PRKACB: variants seen among roughly 807,000 people sequenced by gnomAD.
PRKACB encodes the protein protein kinase cAMP-activated catalytic subunit beta.
Under a neutral mutation model 51.4 loss-of-function variants are expected in PRKACB, and 16 were observed. The observed-to-expected ratio is 0.31, with a 90% CI of 0.21 to 0.47. The LOEUF is 0.47. Ranked by LOEUF, PRKACB falls within the 20% of genes least tolerant of loss-of-function variation. The pLI is 1.00. For synonymous variants in PRKACB, 147 were observed against 154.4 expected, an observed-to-expected ratio of 0.95 and a Z score of 0.35; for missense variants, 309 against 464.5, an observed-to-expected ratio of 0.67 and a Z score of 3.08.
intron 1 of PRKACB, among the ~76,000 whole-genome samples, chr1:84,078,674 G>A (rs1647281529): frequency 6.6e-6 from 1 of 152,188 alleles, no homozygotes; most frequent in Non-Finnish European, 1.5e-5. Flanking sequence ...CCCAAATATG[G>A]TCCGAGGAAA....
intron 1 of PRKACB, chr1:84,165,067 A>T (rs1656946636): frequency 7.5e-7 from 1 of 1,340,344 alleles, no homozygotes; most frequent in Admixed American, 2.3e-5. Context: ...TATATTTATA[A>T]GAGGAAAAAA....
chr1:84,106,833 C>A (rs1231866448), intron 1 of PRKACB, among the ~76,000 whole-genome samples: 2 of 152,144 alleles, frequency 1.3e-5, no homozygotes, highest in African/African-American at 4.8e-5. Context: ...CTGGAAGAAT[C>A]ACATTGCCTG....
intron 1 of PRKACB, among the ~76,000 whole-genome samples, chr1:84,163,937 T>G: frequency 6.6e-6 from 1 of 151,984 alleles, no homozygotes; most frequent in Non-Finnish European, 1.5e-5. Context: ...CTGTTCACCA[T>G]GCTACCCAGT....
At chr1:84,135,880 C>A (rs1652754234) in intron 1 of PRKACB, among the ~76,000 whole-genome samples, 2 of 149,962 alleles carry the variant, frequency 1.3e-5, no homozygotes, top group African/African-American at 2.5e-5. Flanking sequence ...AATTTAAGCC[C>A]AATGCAAGCA....
chr1:84,213,044 A>C (rs1672362264), intron 8 of PRKACB, among the ~76,000 whole-genome samples: 1 of 152,174 alleles, frequency 6.6e-6, no homozygotes, highest in Non-Finnish European at 1.5e-5. Flanking sequence ...ACTTGTAGAG[A>C]AACAAAATAA....
Position 84,236,961 on chromosome 1 carries a change from A to G in PRKACB, c.*1656A>G, listed in dbSNP as rs1365379769. 2 of 152,244 alleles carry G rather than the reference A, an allele frequency of 1.3e-5. No individual in the cohort carries two copies. Among genetic ancestry groups the G allele is most frequent in the South Asian group, 2.1e-4 (1 of 4,832 alleles). The allele number at this position is 152,244 out of a possible 1,614,324, so 9.4% of individuals were successfully genotyped here. A position where few individuals can be genotyped will look rare whatever the true frequency, so the allele number is the denominator to read the frequency against. ...TATTTGCTTTATTATCGGTGCAGGT[A>G]GGTCATTAACACCACTTCTTTTCAT... is the stretch of plus-strand genomic sequence containing the variant. On this transcript the variant is annotated 3_prime_UTR_variant, in exon 10 of 10. Coordinates refer to ENST00000370685, the MANE Select transcript of PRKACB (RefSeq NM_182948.4).
chr1:84,136,537 T>C (rs1019184117), intron 1 of PRKACB, among the ~76,000 whole-genome samples: 1 of 124,878 alleles, frequency 8.0e-6, no homozygotes, highest in Non-Finnish European at 1.8e-5. Context: ...GACTGCCGAT[T>C]GGTGACAAAG....
At chr1:84,201,286 T>C (rs1670029661) in intron 7 of PRKACB, among the ~76,000 whole-genome samples, 4 of 152,228 alleles carry the variant, frequency 2.6e-5, no homozygotes, top group African/African-American at 9.6e-5. Context: ...ATTCTCATGT[T>C]TTTTATTTAT....
rs531558639 is a variant in PRKACB, at chr1:84,174,915, T to C, written c.188-4262T>C. The stretch of plus-strand genomic sequence containing the variant: ...ATACATACAATCAAATAATTGAATT[T>C]CTACATTAACATTTTATTTCTGTAT... On this transcript the variant is annotated intron_variant, in intron 1 of 9. Coordinates refer to ENST00000370685, the MANE Select transcript of PRKACB (RefSeq NM_182948.4). The C allele has an allele frequency of 1.2e-4, 110 of 920,928 alleles. 2 individuals carry two copies. In the South Asian group the frequency reaches 3.2e-3, roughly 26 times the overall value. The allele number at this position is 920,928 out of a possible 1,614,324, so 57.0% of individuals were successfully genotyped here. A position where few individuals can be genotyped will look rare whatever the true frequency, so the allele number is the denominator to read the frequency against.
intron 5 of PRKACB, among the ~76,000 whole-genome samples, chr1:84,187,422 A>G (rs1350699084): frequency 1.3e-5 from 2 of 152,136 alleles, no homozygotes; most frequent in Admixed American, 1.3e-4. Context: ...TAGTGTTTTG[A>G]GAAAAGCTGT....
chr1:84,190,120 A>AT (rs149699729), intron 5 of PRKACB, among the ~76,000 whole-genome samples: 1,967 of 151,840 alleles, frequency 0.013, 50 homozygotes, highest in African/African-American at 0.045. Flanking sequence ...CATACAACAT[A>AT]TTTTTTTCTT....
intron 8 of PRKACB, among the ~76,000 whole-genome samples, chr1:84,210,736 G>C (rs984820995): frequency 6.6e-6 from 1 of 152,078 alleles, no homozygotes; most frequent in African/African-American, 2.4e-5. Flanking sequence ...GAAATCTTTA[G>C]TGTCTCCAGG....
chr1:84,181,010 G>C (rs1432278000), intron 2 of PRKACB, among the ~76,000 whole-genome samples: 1 of 151,706 alleles, frequency 6.6e-6, no homozygotes, highest in Non-Finnish European at 1.5e-5. Context: ...AATTATAAGA[G>C]CTTTCTGTGT....
intron 8 of PRKACB, among the ~76,000 whole-genome samples, chr1:84,211,048 G>T (rs553077654): frequency 6.6e-6 from 1 of 152,050 alleles, no homozygotes; most frequent in South Asian, 2.1e-4. Flanking sequence ...ATATGGAGGT[G>T]AGGAGGATAT....
At chr1:84,181,746 G>A (rs1205313170) in intron 2 of PRKACB, 2 of 1,470,364 alleles carry the variant, frequency 1.4e-6, no homozygotes, top group Admixed American at 4.3e-5. Flanking sequence ...TAGTGAAAGA[G>A]CTCTGATCCC....
intron 1 of PRKACB, among the ~76,000 whole-genome samples, chr1:84,133,600 C>T (rs1652480891): frequency 6.6e-6 from 1 of 152,010 alleles, no homozygotes; most frequent in African/African-American, 2.4e-5. Context: ...TGGTCAGCTT[C>T]ACTTGGCTTT....
intron 9 of PRKACB, among the ~76,000 whole-genome samples, chr1:84,215,828 TG>T (rs1255199799): frequency 1.3e-5 from 2 of 152,188 alleles, no homozygotes; most frequent in Non-Finnish European, 2.9e-5. Flanking sequence ...TGCTTAAAGA[TG>T]ATTTGCATGA....
At chr1:84,115,886 CAAAAAAAAAAAAAAA>C (rs60541006) in intron 1 of PRKACB, among the ~76,000 whole-genome samples, 10 of 63,830 alleles carry the variant, frequency 1.6e-4, no homozygotes, top group African/African-American at 2.8e-4. Flanking sequence ...ACTCTTGTCT[CAAAAAAAAAAAAAAA>C]AAAAAAAAAA....
At chr1:84,158,996 G>A (rs997702442) in intron 1 of PRKACB, among the ~76,000 whole-genome samples, 1 of 152,102 alleles carries the variant, frequency 6.6e-6, no homozygotes, top group Non-Finnish European at 1.5e-5. Flanking sequence ...TGAACTACAT[G>A]TCTGTCCTCA....
Sources: gnomAD v4.1 joint callset for allele counts (sites outside exome capture counted in the v4.1 genomes callset) on GRCh38, gnomAD v4.1.1 for gene constraint, MANE v1.5 for transcripts, NCBI Gene and HGNC (gene_info 2026-07-23, HGNC 2026-07-21) for gene names.